NUP155: variants seen among roughly 807,000 people sequenced by gnomAD.
NUP155 encodes the protein nucleoporin 155, also known as nuclear pore complex protein Nup155.
NUP155 carries 71 observed loss-of-function variants against 180.4 expected under a neutral mutation model. The observed-to-expected ratio is 0.39, with a 90% CI of 0.33 to 0.48. The LOEUF is 0.48. Ranked by LOEUF, NUP155 falls within the 20% of genes least tolerant of loss-of-function variation. The pLI is 0.91. For missense variants in NUP155, 1,553 were observed against 1,648.9 expected, an observed-to-expected ratio of 0.94 and a Z score of 1.01; for synonymous variants, 582 against 559.5, an observed-to-expected ratio of 1.04 and a Z score of -0.57.
In NUP155 at chr5:37,341,042, A is replaced by G. The variant is rs142180240; in HGVS notation, c.1246+48T>C. ...TACTTCACAACACCATATAATTTTA[A>G]CAATTTTAAGAATATAATCTTAAAT... On this transcript the variant is annotated intron_variant, in intron 11 of 34. Transcript: ENST00000231498. The G allele has an allele frequency of 1.6e-4, 228 of 1,435,458 alleles. No individual in the cohort carries two copies. The African/African-American group carries it at 2.5e-3, about 16-fold the overall frequency. 88.9% of individuals were successfully genotyped at this position (1,435,458 alleles called of 1,614,324 possible).
At chr5:37,364,837 C>T (rs942952372) in intron 1 of NUP155, among the ~76,000 whole-genome samples, 1 of 151,620 alleles carries the variant, frequency 6.6e-6, no homozygotes, top group East Asian at 2.0e-4. Context: ...GGGGTTTCAC[C>T]GTGTTAGCCA....
At chr5:37,370,133 G>A (rs217841) in intron 1 of NUP155, among the ~76,000 whole-genome samples, 101,001 of 152,180 alleles carry the variant, frequency 0.66, 38,760 homozygotes, top group East Asian at 0.88. Flanking sequence ...CACTTTGGGA[G>A]GCCGAGGCGG....
intron 1 of NUP155, among the ~76,000 whole-genome samples, chr5:37,368,099 G>T (rs557499742): frequency 8.6e-5 from 13 of 151,780 alleles, no homozygotes; most frequent in Middle Eastern, 3.4e-3. Context: ...TAGAGACAGG[G>T]TTTTGCCATG....
In NUP155 at chr5:37,367,920, A is replaced by AT. The variant is rs1747707981; in HGVS notation, c.157+2900dup. On this transcript the variant is annotated intron_variant, in intron 1 of 34. Transcript: ENST00000231498. ...TGCCTCAGCCTCCTGAATAACTGGG[A>AT]TTACAGCCATGAGCCACCACACCCA... 2.0e-5 allele frequency among the ~76,000 whole-genome samples: 3 copies of AT among 152,176 alleles called. No individual in the cohort carries two copies. The East Asian group carries it at 5.8e-4, about 30-fold the overall frequency.
At chr5:37,348,436 T>C (rs1318551456) in intron 9 of NUP155, 69 bp downstream of exon 9, 5 of 985,918 alleles carry the variant, frequency 5.1e-6, no homozygotes, top group Non-Finnish European at 6.6e-6. Context: ...TATATACTTT[T>C]AGAAGGCTAC....
chr5:37,348,620 C>T, intron 8 of NUP155, 24 bp from the exon 9 acceptor site: 1 of 1,335,084 alleles, frequency 7.5e-7, no homozygotes, highest in South Asian at 1.2e-5. Flanking sequence ...ATCATTCTCA[C>T]TTAAACATGA....
intron 13 of NUP155, among the ~76,000 whole-genome samples, chr5:37,332,265 CATA>C (rs1033293589): frequency 2.2e-5 from 3 of 136,898 alleles, no homozygotes; most frequent in African/African-American, 8.0e-5. Flanking sequence ...ATAAAACTAT[CATA>C]ATATTACGTT....
intron 32 of NUP155, among the ~76,000 whole-genome samples, chr5:37,297,823 T>C (rs995168306): frequency 6.6e-6 from 1 of 152,044 alleles, no homozygotes; most frequent in Non-Finnish European, 1.5e-5. Context: ...CGTTTCCATA[T>C]TATACCTACA....
intron 34 of NUP155, 26 bp downstream of exon 34, chr5:37,292,853 T>G: frequency 6.9e-7 from 1 of 1,447,768 alleles, no homozygotes; most frequent in Non-Finnish European, 9.7e-7. Context: ...AAGCTTTTGC[T>G]GATCCAATAT....
intron 32 of NUP155, among the ~76,000 whole-genome samples, chr5:37,295,368 G>A (rs185955753): frequency 0.012 from 1,813 of 152,250 alleles, 34 homozygotes; most frequent in African/African-American, 0.041. Context: ...GCCCAGGCTG[G>A]AGTGCAGTGG....
At chr5:37,329,885 C>A (rs1421141845) in intron 15 of NUP155, among the ~76,000 whole-genome samples, 153 bp downstream of exon 15, 2 of 152,218 alleles carry the variant, frequency 1.3e-5, no homozygotes, top group African/African-American at 4.8e-5. Context: ...CCATTATAAT[C>A]TCTCCAGATT....
chr5:37,340,497 A>C (rs1265075402), intron 11 of NUP155, among the ~76,000 whole-genome samples: 1 of 152,186 alleles, frequency 6.6e-6, no homozygotes, highest in Non-Finnish European at 1.5e-5. Context: ...TTCAAAACTT[A>C]TTACAAAGCA....
intron 20 of NUP155, among the ~76,000 whole-genome samples, chr5:37,323,407 C>T (rs1354211357): frequency 6.6e-6 from 1 of 152,102 alleles, no homozygotes; most frequent in African/African-American, 2.4e-5. Context: ...AGTAGTAATA[C>T]ATGCTACAAC....
At chr5:37,330,198 A>T in intron 14 of NUP155, 66 bp from the exon 15 acceptor site, 2 of 1,071,538 alleles carry the variant, frequency 1.9e-6, no homozygotes, top group Non-Finnish European at 2.8e-6. Context: ...GTGTACTGCT[A>T]GATGCAGTAT....
chr5:37,330,147 G>A lies in NUP155; in HGVS notation c.1630-15C>T. 1 of 1,572,604 alleles carries A rather than the reference G, an allele frequency of 6.4e-7. No individual in the cohort carries two copies. On this transcript the variant is annotated splice_polypyrimidine_tract_variant and intron_variant, in intron 14 of 34. Transcript: ENST00000231498. ...GCCTGGTCTTCCTGTGTAAAAAGAG[G>A]AATATTGGCCTTATATTAAATACAA...
At chr5:37,360,648 T>C (rs1395898014) in intron 3 of NUP155, among the ~76,000 whole-genome samples, 3 of 150,918 alleles carry the variant, frequency 2.0e-5, no homozygotes, top group Admixed American at 6.6e-5. Context: ...TAGCCGGGTG[T>C]GGTGGTGCAT....
intron 11 of NUP155, among the ~76,000 whole-genome samples, chr5:37,339,408 G>GC (rs1745566989): frequency 1.3e-5 from 2 of 151,078 alleles, no homozygotes; most frequent in African/African-American, 4.9e-5. Flanking sequence ...TGGTAGGACT[G>GC]CTTGAGCCCA....
intron 19 of NUP155, among the ~76,000 whole-genome samples, chr5:37,325,448 T>C (rs768030872): frequency 2.0e-5 from 3 of 152,124 alleles, no homozygotes; most frequent in Non-Finnish European, 4.4e-5. Context: ...AAGCAGTTTG[T>C]TGTCCAAGAA....
In NUP155 at chr5:37,349,247, T is replaced by C; in HGVS notation, c.830-2A>G. 1.3e-6 allele frequency: 1 copy of C among 773,838 alleles called. No individual in the cohort carries two copies. The highest frequency in any genetic ancestry group is 1.8e-5 in the African/African-American group (1 of 54,258). The allele number at this position is 773,838 out of a possible 1,614,324, so 47.9% of individuals were successfully genotyped here. ...CAATTGCAATTTGAAGAATAGGATC[T>C]AAAAGTAAGACAAAAAAAAAAAAGA... On this transcript the variant is annotated splice_acceptor_variant, in intron 7 of 34. Transcript: ENST00000231498. LOFTEE classifies it high-confidence loss of function.
Sources: gnomAD v4.1 joint callset for allele counts (sites outside exome capture counted in the v4.1 genomes callset) on GRCh38, gnomAD v4.1.1 for gene constraint, MANE v1.5 for transcripts, NCBI Gene and HGNC (gene_info 2026-07-23, HGNC 2026-07-21) for gene names.